Variants in UBE2E1 observed in about 807,000 individuals in gnomAD.
The protein encoded by UBE2E1 is ubiquitin conjugating enzyme E2 E1.
A neutral mutation model predicts 21.4 loss-of-function variants in UBE2E1; 6 were observed. The observed-to-expected ratio is 0.28, with a 90% confidence interval of 0.15 to 0.55. The LOEUF (loss-of-function observed/expected upper bound fraction) is 0.55. UBE2E1 is among the 20% of genes least tolerant of loss of function. The probability of loss-of-function intolerance (pLI) is 0.93; values close to 1 mark genes in which losing one functional copy is unlikely to be tolerated. For missense variants in UBE2E1, 142 were observed against 236.5 expected (o/e 0.60, Z 2.62); for synonymous variants, 87 against 82.7 (o/e 1.05, Z -0.28).
chr3:23,826,640 A>C (rs1015521827), intron 3 of UBE2E1, among the ~76,000 whole-genome samples: 1 of 152,180 alleles, frequency 6.6e-6, no homozygotes, highest in Non-Finnish European at 1.5e-5. Flanking sequence ...TGAAGCCCCA[A>C]ATCTGTGATA....
intron 3 of UBE2E1, among the ~76,000 whole-genome samples, chr3:23,886,347 CTCACT>C (rs1270597773): frequency 6.6e-6 from 1 of 152,208 alleles, no homozygotes; most frequent in African/African-American, 2.4e-5. Flanking sequence ...CCTTCTTTCT[CTCACT>C]TAATTCTGAA....
At chr3:23,882,968 CAG>C (rs1701088768) in intron 3 of UBE2E1, among the ~76,000 whole-genome samples, 1 of 152,204 alleles carries the variant, frequency 6.6e-6, no homozygotes, top group South Asian at 2.1e-4. Context: ...TCAGCCAGCA[CAG>C]AGAGGGGCTC....
At chr3:23,822,852 C>T (rs1699674485) in intron 3 of UBE2E1, among the ~76,000 whole-genome samples, 1 of 147,702 alleles carries the variant, frequency 6.8e-6, no homozygotes, top group African/African-American at 2.5e-5. Context: ...CAACCCCCGC[C>T]ACCGCCCTTC....
chr3:23,871,136 T>C (rs1179684860), intron 3 of UBE2E1, among the ~76,000 whole-genome samples: 1 of 152,212 alleles, frequency 6.6e-6, no homozygotes, highest in East Asian at 1.9e-4. Context: ...CTTTCCCCTC[T>C]TTCTATTCCA....
chr3:23,843,667 A>T (rs141754664), intron 3 of UBE2E1, among the ~76,000 whole-genome samples: 1 of 152,092 alleles, frequency 6.6e-6, no homozygotes, highest in South Asian at 2.1e-4. Flanking sequence ...AGAGCATCCC[A>T]CATCATTAGC....
intron 3 of UBE2E1, among the ~76,000 whole-genome samples, chr3:23,878,195 T>A (rs1246671951): frequency 6.6e-6 from 1 of 152,138 alleles, no homozygotes; most frequent in East Asian, 1.9e-4. Flanking sequence ...CATTTACTCA[T>A]CTTCCACAAG....
chr3:23,856,193 A>AT (rs948580386), intron 3 of UBE2E1, among the ~76,000 whole-genome samples: 3 of 151,566 alleles, frequency 2.0e-5, no homozygotes, highest in Non-Finnish European at 4.4e-5. Context: ...TGCCTTGCTA[A>AT]TTTTTTTTGT....
chr3:23,878,135 TAC>T (rs1425978306), intron 3 of UBE2E1, among the ~76,000 whole-genome samples: 1 of 152,176 alleles, frequency 6.6e-6, no homozygotes, highest in Non-Finnish European at 1.5e-5. Flanking sequence ...CAAATGGTAG[TAC>T]CAGAAGATTT....
At chr3:23,889,596 G>C (rs147828507) in intron 5 of UBE2E1, 7 of 984,960 alleles carry the variant, frequency 7.1e-6, no homozygotes, top group Non-Finnish European at 8.4e-6. Flanking sequence ...TCTAAATGTC[G>C]AGTCATCTGC....
chr3:23,859,986 T>G (rs1172426527), intron 3 of UBE2E1, among the ~76,000 whole-genome samples: 1 of 152,196 alleles, frequency 6.6e-6, no homozygotes, highest in Non-Finnish European at 1.5e-5. Context: ...TTCATTTACT[T>G]TGTTTTGAAG....
intron 3 of UBE2E1, among the ~76,000 whole-genome samples, chr3:23,824,803 C>A (rs1323891161): frequency 6.6e-6 from 1 of 152,092 alleles, no homozygotes; most frequent in Admixed American, 6.5e-5. Flanking sequence ...GCTTCCTCCC[C>A]TTCCTGCTCC....
rs542121379 is a variant in UBE2E1, at chr3:23,816,759, C to T, written c.203+5249C>T. Among the ~76,000 whole-genome samples the T allele has an allele frequency of 6.6e-6, 1 of 152,012 alleles. No homozygotes were observed. The highest frequency in any genetic ancestry group is 1.5e-5 in the Non-Finnish European group (1 of 67,990). On this transcript the variant is annotated intron_variant, in intron 3 of 5. Coordinates refer to ENST00000306627, the MANE Select transcript of UBE2E1 (RefSeq NM_003341.5). This position sits in a 1 kb window ranked among gnomAD's most constrained non-coding sequence, Gnocchi z 4.8. ...AAACTAGAACCAAAAAGACAAATAG[C>T]GTATGATTCCACTTACATGAAATAC...
At chr3:23,844,964 A>AC (rs1420366300) in intron 3 of UBE2E1, among the ~76,000 whole-genome samples, 1 of 152,184 alleles carries the variant, frequency 6.6e-6, no homozygotes, top group Non-Finnish European at 1.5e-5. Flanking sequence ...TTATGGCAGC[A>AC]CCAAACACTG....
intron 3 of UBE2E1, among the ~76,000 whole-genome samples, chr3:23,858,008 G>A (rs147575710): frequency 6.6e-6 from 1 of 152,006 alleles, no homozygotes; most frequent in Non-Finnish European, 1.5e-5. Context: ...TTTTATTGGA[G>A]ATGGGGTTTC....
chr3:23,861,560 C>T (rs748012796), intron 3 of UBE2E1, among the ~76,000 whole-genome samples: 8 of 152,220 alleles, frequency 5.3e-5, no homozygotes, highest in Non-Finnish European at 7.3e-5. Flanking sequence ...TGACCCGCCA[C>T]GCCCCCATTC....
intron 3 of UBE2E1, among the ~76,000 whole-genome samples, chr3:23,829,497 T>A (rs558556295): frequency 7.8e-4 from 118 of 152,164 alleles, no homozygotes; most frequent in South Asian, 2.5e-3. Flanking sequence ...AGGTGGGGTC[T>A]TGCTGTGTTG....
rs140553923 is a variant in UBE2E1, at chr3:23,807,287, G to A, written c.18G>A (p.Ser6=). MSDDD[S]RASTSSSSSS... ...GGTTCGCTATGTCGGATGACGATTC[G>A]AGGGCCAGCACCAGCTCCTCCTCAT... Residue 6 remains serine (S), a synonymous_variant, in exon 2 of 6, where the codon TCG becomes TCA. Transcript: ENST00000306627. 13 of 1,613,006 alleles carry A rather than the reference G, an allele frequency of 8.1e-6. No homozygotes were observed. Among genetic ancestry groups the A allele is most frequent in the Non-Finnish European group, 1.1e-5 (13 of 1,179,640 alleles).
At chr3:23,837,065 A>G (rs1699988678) in intron 3 of UBE2E1, among the ~76,000 whole-genome samples, 1 of 152,214 alleles carries the variant, frequency 6.6e-6, no homozygotes, top group Non-Finnish European at 1.5e-5. Flanking sequence ...GGGAAGGAAC[A>G]TAAATCTCTA....
chr3:23,807,502 A>G, intron 2 of UBE2E1, 81 bp downstream of exon 2: 3 of 1,545,130 alleles, frequency 1.9e-6, no homozygotes, highest in Non-Finnish European at 2.6e-6. Flanking sequence ...CCCAATGAGG[A>G]TAGCTTAAAC....
Sources: gnomAD v4.1 joint callset for allele counts (sites outside exome capture counted in the v4.1 genomes callset) on GRCh38, gnomAD v4.1.1 for gene constraint, Gnocchi (gnomAD v3.1) non-coding constraint, MANE v1.5 for transcripts, NCBI Gene and HGNC (gene_info 2026-07-23, HGNC 2026-07-21) for gene names.